Variants in SCG3 observed in about 807,000 individuals in gnomAD.
SCG3 encodes secretogranin-3.
A neutral mutation model predicts 56.2 loss-of-function variants in SCG3; 38 were observed. That is an observed-to-expected ratio of 0.68 (90% CI 0.52 to 0.89). SCG3 has a LOEUF of 0.89. Ranked by LOEUF, SCG3 falls within the 40% of genes least tolerant of loss-of-function variation. The pLI is 0.00. For synonymous variants in SCG3, 176 were observed against 184.2 expected, an observed-to-expected ratio of 0.96 and a Z score of 0.36; for missense variants, 524 against 540.7, an observed-to-expected ratio of 0.97 and a Z score of 0.31.
At chr15:51,704,236 CATACATACAT>C (rs1400369433) in intron 10 of SCG3, among the ~76,000 whole-genome samples, 9 of 54,310 alleles carry the variant, frequency 1.7e-4, no homozygotes, top group African/African-American at 5.1e-4. Flanking sequence ...TGTATACATA[CATACATACAT>C]ATATATATAT....
rs146162352 is a variant in SCG3 at position 51,701,121 on chromosome 15, A to G, written c.1084A>G (p.Ser362Gly). The G allele has an allele frequency of 1.9e-4, 299 of 1,613,958 alleles. No homozygotes were observed. In the East Asian group the frequency reaches 4.7e-3, roughly 25 times the overall value. ...SKLFPAPSEK[S>G]HEETDSTKEE... ...TCTGATTACAGCACCATCAGAGAAG[A>G]GTCATGAAGAAACAGACAGTACCAA... is the stretch of plus-strand genomic sequence containing the variant. The change falls in exon 10 of 12, where the codon AGT (serine) becomes GGT (glycine). Residue 362 changes from serine (S) to glycine (G), a missense_variant. Physicochemically the swap from Ser to Gly is moderately conservative, Grantham distance 56. Transcript: ENST00000220478.
intron 4 of SCG3, among the ~76,000 whole-genome samples, chr15:51,685,183 C>G (rs1228684345): frequency 3.3e-5 from 5 of 152,306 alleles, no homozygotes; most frequent in African/African-American, 1.2e-4. Context: ...CCATGCTACT[C>G]AGGGAAATTT....
rs751987508 is a variant in SCG3, at chr15:51,692,341, C to A, written c.868+5C>A. On this transcript the variant is annotated splice_donor_5th_base_variant and intron_variant, in intron 7 of 11. Transcript: ENST00000220478. ...TACTGAAAAGTATTGATTCAGGTAA[C>A]CACTGTGTGGTTGTGATTATGTGGA... The A allele has an allele frequency of 6.2e-7, 1 of 1,611,596 alleles. No individual in the cohort carries two copies. Among genetic ancestry groups the A allele is most frequent in the Non-Finnish European group, 8.5e-7 (1 of 1,178,664 alleles).
At chr15:51,701,433 G>A (rs2055339014) in intron 10 of SCG3, among the ~76,000 whole-genome samples, 189 bp downstream of exon 10, 1 of 152,078 alleles carries the variant, frequency 6.6e-6, no homozygotes, top group South Asian at 2.1e-4. Context: ...GAGTCTCCTG[G>A]GATGGCAAAC....
chr15:51,689,302 T>G lies in SCG3; in HGVS notation c.624T>G (p.Tyr208Ter). The change falls in exon 6 of 12, where the codon TAT becomes TAG. Residue 208 changes from tyrosine (Y) to a stop codon, truncating the protein, a stop_gained. Coordinates refer to ENST00000220478, the MANE Select transcript of SCG3 (RefSeq NM_013243.4). LOFTEE classifies it high-confidence loss of function. ...TAATCTCAAAGGAAGCCAACAATTA[T>G]GAGGAGGATCCCAATAAGCCCACAA... is the stretch of plus-strand genomic sequence containing the variant. ...QKLISKEANN[Y>*]EEDPNKPTSW... is the part of the protein sequence containing the mutation. The G allele has an allele frequency of 6.2e-7, 1 of 1,613,950 alleles. No homozygotes were observed. The highest frequency in any genetic ancestry group is 1.1e-5 in the South Asian group (1 of 91,074).
chr15:51,714,924 T>C (rs1213544124), intron 11 of SCG3, among the ~76,000 whole-genome samples: 1 of 152,224 alleles, frequency 6.6e-6, no homozygotes, highest in Non-Finnish European at 1.5e-5. Flanking sequence ...AAATGCACCA[T>C]TGTTTTATGT....
At chr15:51,713,464 C>A in intron 11 of SCG3, 51 bp downstream of exon 11, 1 of 1,223,008 alleles carries the variant, frequency 8.2e-7, no homozygotes, top group Middle Eastern at 1.9e-4. Flanking sequence ...TTGTCAGGGG[C>A]TCTTGTTATA....
At chr15:51,709,676 T>G (rs1475635639) in intron 10 of SCG3, among the ~76,000 whole-genome samples, 1 of 11,400 alleles carries the variant, frequency 8.8e-5, no homozygotes, top group Non-Finnish European at 2.1e-4. Context: ...TATATATATA[T>G]ATATATATAT....
intron 7 of SCG3, among the ~76,000 whole-genome samples, chr15:51,694,801 A>G (rs566882551): frequency 2.8e-3 from 422 of 152,228 alleles, no homozygotes; most frequent in Non-Finnish European, 4.5e-3. Flanking sequence ...GAGGCCAAGG[A>G]GGGCGGATCG....
intron 10 of SCG3, among the ~76,000 whole-genome samples, chr15:51,702,068 G>A (rs925488150): frequency 3.9e-5 from 6 of 151,956 alleles, no homozygotes; most frequent in African/African-American, 1.5e-4. Flanking sequence ...ATGTACCCTA[G>A]AACTTAAAGT....
Position 51,699,331 on chromosome 15 carries a change from A to G in SCG3, c.998A>G (p.Glu333Gly), listed in dbSNP as rs1238881485. ...TTCCTCCCTCCAGAAAACTTGGATG[A>G]AATGATTGCTCTTCAGACCAAAAAC... Reference protein sequence around the residue: ...EGVSYLENLDEMIALQTKNKL... With the variant: ...EGVSYLENLDGMIALQTKNKL... The change falls in exon 9 of 12, where the codon GAA becomes GGA. Residue 333 changes from glutamate to glycine, a missense_variant. Glu to Gly is a moderately conservative substitution (Grantham distance 98, BLOSUM62 -2). Coordinates refer to ENST00000220478, the MANE Select transcript of SCG3 (RefSeq NM_013243.4). 6.2e-7 allele frequency: 1 copy of G among 1,605,314 alleles called. No homozygotes were observed. Among genetic ancestry groups the G allele is most frequent in the African/African-American group, 1.3e-5 (1 of 74,328 alleles).
chr15:51,690,234 C>G (rs1277122438), intron 6 of SCG3, among the ~76,000 whole-genome samples: 1 of 152,182 alleles, frequency 6.6e-6, no homozygotes, highest in Non-Finnish European at 1.5e-5. Context: ...TTTACCCAGG[C>G]TAATTTCATC....
Position 51,682,580 on chromosome 15 carries a change from A to G in SCG3, c.135+11A>G. 7.4e-7 allele frequency: 1 copy of G among 1,357,986 alleles called. No homozygotes were observed. Among genetic ancestry groups the G allele is most frequent in the Non-Finnish European group, 1.0e-6 (1 of 1,000,286 alleles). 84.1% of individuals were successfully genotyped at this position (1,357,986 alleles called of 1,614,324 possible). A position where few individuals can be genotyped will look rare whatever the true frequency, so the allele number is the denominator to read the frequency against. On this transcript the variant is annotated intron_variant, in intron 2 of 11. Coordinates refer to ENST00000220478, the MANE Select transcript of SCG3 (RefSeq NM_013243.4). Reference sequence around the variant, plus strand: ...CCTTTGAATGAACAGGTAGGTCAAAAGTAACATTATGAATGCTATTTCATT... The same window carrying G: ...CCTTTGAATGAACAGGTAGGTCAAAGGTAACATTATGAATGCTATTTCATT...
At chr15:51,698,261 T>C (rs934336796) in intron 8 of SCG3, among the ~76,000 whole-genome samples, 3 of 152,118 alleles carry the variant, frequency 2.0e-5, no homozygotes, top group East Asian at 1.9e-4. Context: ...CGTCCTAAAA[T>C]AGTGTAGTGA....
chr15:51,695,845 A>G, intron 7 of SCG3, 30 bp from the exon 8 acceptor site: 1 of 1,163,524 alleles, frequency 8.6e-7, no homozygotes. Flanking sequence ...TATCCCCCAC[A>G]GTTTTAAGTT....
At chr15:51,684,798 T>A (rs1415080562) in intron 4 of SCG3, among the ~76,000 whole-genome samples, 8 of 152,182 alleles carry the variant, frequency 5.3e-5, no homozygotes, top group African/African-American at 1.9e-4. Context: ...GAAAACTTCA[T>A]AAGAATAGAG....
intron 6 of SCG3, among the ~76,000 whole-genome samples, chr15:51,689,879 T>C (rs1264784721): frequency 6.6e-6 from 1 of 152,112 alleles, no homozygotes; most frequent in Non-Finnish European, 1.5e-5. Context: ...CTGAAAATAA[T>C]GTAAAGATTA....
chr15:51,693,426 T>C (rs914174236), intron 7 of SCG3: 1 of 148,882 alleles, frequency 6.7e-6, no homozygotes, highest in Admixed American at 6.6e-5. Context: ...TGGGAAATTA[T>C]TTGTTTTTGT....
chr15:51,694,590 C>T (rs1020546696), intron 7 of SCG3, among the ~76,000 whole-genome samples: 4 of 152,092 alleles, frequency 2.6e-5, no homozygotes, highest in African/African-American at 9.7e-5. Flanking sequence ...AAAATGGGTT[C>T]CCCCTCTAGC....
Sources: allele counts gnomAD v4.1 joint callset (sites outside exome capture counted in the v4.1 genomes callset), GRCh38; gene constraint gnomAD v4.1.1; transcripts MANE v1.5; gene names NCBI Gene and HGNC (gene_info 2026-07-23, HGNC 2026-07-21).